PGAP1: variants seen among roughly 807,000 people sequenced by gnomAD.
The protein encoded by PGAP1 is GPI inositol-deacylase.
In PGAP1, 76 loss-of-function variants were observed where a neutral mutation model predicts 127.0. The ratio of observed to expected loss-of-function variants is 0.60; its 90% CI spans 0.50 to 0.72. PGAP1 has a LOEUF of 0.72. PGAP1 is among the 30% of genes least tolerant of loss of function. The pLI is 0.00. For synonymous variants in PGAP1, 362 were observed against 366.5 expected (o/e 0.99, Z 0.14); for missense variants, 982 against 1,071.3 (o/e 0.92, Z 1.16).
intron 10 of PGAP1, among the ~76,000 whole-genome samples, chr2:196,888,451 A>G (rs1369676533): frequency 2.0e-5 from 3 of 152,214 alleles, no homozygotes; most frequent in South Asian, 2.1e-4. Flanking sequence ...CATTCTTACT[A>G]TAAAAAATTA....
chr2:196,840,419 T>C lies in PGAP1; in HGVS notation c.*815A>G, dbSNP rs1040430505. On this transcript the variant is annotated 3_prime_UTR_variant, in exon 27 of 27. Transcript: ENST00000354764. ...CTTTTGGCAACCATGGTGCAATGAA[T>C]TGAATCCAATGGTATAAACTAAACA... is the stretch of plus-strand genomic sequence containing the variant. 6 of 152,132 alleles carry C rather than the reference T, an allele frequency of 3.9e-5. No homozygotes were observed. Among genetic ancestry groups the C allele is most frequent in the Non-Finnish European group, 8.8e-5 (6 of 68,018 alleles). The allele number at this position is 152,132 out of a possible 1,614,324, so 9.4% of individuals were successfully genotyped here.
chr2:196,859,397 T>C (rs1028655608), intron 20 of PGAP1, among the ~76,000 whole-genome samples: 2 of 152,062 alleles, frequency 1.3e-5, no homozygotes, highest in African/African-American at 4.8e-5. Context: ...AAAACAAGCA[T>C]GGGACCTGAT....
chr2:196,843,863 CAAT>C (rs1559327910), intron 25 of PGAP1, 22 bp downstream of exon 25: 1 of 1,392,022 alleles, frequency 7.2e-7, no homozygotes, highest in Admixed American at 2.2e-5. Context: ...ACCACATAAA[CAAT>C]AATTATATCA....
intron 18 of PGAP1, among the ~76,000 whole-genome samples, 174 bp from the exon 19 acceptor site, chr2:196,871,153 TTAAAG>T (rs1701397756): frequency 6.6e-6 from 1 of 152,210 alleles, no homozygotes. Context: ...GCAAATTGCA[TTAAAG>T]TAGAGTGTTA....
chr2:196,855,967 T>G (rs563722581), intron 20 of PGAP1, among the ~76,000 whole-genome samples: 40 of 152,308 alleles, frequency 2.6e-4, no homozygotes, highest in African/African-American at 5.5e-4. Context: ...CTAGGAACCT[T>G]AAGACCTTAA....
chr2:196,918,397 C>A (rs1292444972), intron 2 of PGAP1, among the ~76,000 whole-genome samples: 1 of 152,090 alleles, frequency 6.6e-6, no homozygotes, highest in Non-Finnish European at 1.5e-5. Context: ...GAATAATATT[C>A]ATTATTTGTA....
In PGAP1 at chr2:196,893,131, G is replaced by A. The variant is rs769621671; in HGVS notation, c.1033+9C>T. The A allele has an allele frequency of 2.0e-6, 3 of 1,493,638 alleles. No homozygotes were observed. Among genetic ancestry groups the A allele is most frequent in the East Asian group, 2.3e-5 (1 of 43,916 alleles). 92.5% of individuals were successfully genotyped at this position (1,493,638 alleles called of 1,614,324 possible). A position where few individuals can be genotyped will look rare whatever the true frequency, so the allele number is the denominator to read the frequency against. ...TCATTTAAAATTAAAATATGTTATT[G>A]TCACCAACCTGTTAAGTCAGAAATT... is the stretch of plus-strand genomic sequence containing the variant. On this transcript the variant is annotated intron_variant, in intron 8 of 26. Coordinates refer to ENST00000354764, the MANE Select transcript of PGAP1 (RefSeq NM_024989.4).
intron 4 of PGAP1, among the ~76,000 whole-genome samples, 166 bp downstream of exon 4, chr2:196,912,716 A>T (rs1251510811): frequency 6.6e-6 from 1 of 152,160 alleles, no homozygotes; most frequent in African/African-American, 2.4e-5. Flanking sequence ...CCTAAGTTCA[A>T]TAATATAAAG....
At position 196,851,573 on chromosome 2, in the gene PGAP1, CTGTT is replaced by C. The variant is rs1397552147; in HGVS notation, c.1862-3540_1862-3537del. Among the ~76,000 whole-genome samples, 3 of 152,254 alleles carry C rather than the reference CTGTT, an allele frequency of 2.0e-5. No individual in the cohort carries two copies. In the East Asian group the frequency reaches 5.8e-4, roughly 29 times the overall value. Reference sequence around the variant, plus strand: ...TTATTTTCTTTTAGAGAGCCCCTCTCTGTTTGTTATTTAGGTTGACATGAAGAGT... The same window carrying C: ...TTATTTTCTTTTAGAGAGCCCCTCTCTGTTATTTAGGTTGACATGAAGAGT... On this transcript the variant is annotated intron_variant, in intron 20 of 26. Coordinates refer to ENST00000354764, the MANE Select transcript of PGAP1 (RefSeq NM_024989.4).
chr2:196,870,030 T>C (rs1701364534), intron 19 of PGAP1, among the ~76,000 whole-genome samples: 1 of 152,204 alleles, frequency 6.6e-6, no homozygotes, highest in South Asian at 2.1e-4. Flanking sequence ...ATCTTATTTA[T>C]GTCCAGGTTG....
chr2:196,895,382 A>G (rs958591912), intron 7 of PGAP1, among the ~76,000 whole-genome samples: 1 of 152,214 alleles, frequency 6.6e-6, no homozygotes, highest in Non-Finnish European at 1.5e-5. Flanking sequence ...TAAGTTTACC[A>G]AACGTCAGTT....
rs562384054 is a variant in PGAP1, at chr2:196,858,401, C to CA, written c.1861+6585dup. Among the ~76,000 whole-genome samples, 652 of 130,314 alleles carry CA rather than the reference C, an allele frequency of 5.0e-3. 3 individuals are homozygous for CA. Among genetic ancestry groups the CA allele is most frequent in the East Asian group, 0.024 (109 of 4,490 alleles). The allele number at this position is 130,314 out of a possible 152,430, so 85.5% of individuals were successfully genotyped here. On this transcript the variant is annotated intron_variant, in intron 20 of 26. Transcript: ENST00000354764. ...TGGGCGACAGAGCAAGACTCCGTCT[C>CA]AAAAAAAAAAAATTGACTCCTAAAC...
intron 1 of PGAP1, among the ~76,000 whole-genome samples, chr2:196,921,821 A>G (rs116297082): frequency 0.018 from 2,728 of 152,280 alleles, 43 homozygotes; most frequent in Non-Finnish European, 0.024. Context: ...GAACAAAAAA[A>G]TAAGAGAGGA....
intron 20 of PGAP1, among the ~76,000 whole-genome samples, chr2:196,853,229 C>T (rs1237598571): frequency 6.6e-6 from 1 of 152,254 alleles, no homozygotes; most frequent in Non-Finnish European, 1.5e-5. Flanking sequence ...GATAACCTCT[C>T]TTTCAACCTT....
chr2:196,922,777 C>T (rs912253279), intron 1 of PGAP1: 5 of 151,000 alleles, frequency 3.3e-5, no homozygotes, highest in African/African-American at 1.2e-4. Context: ...ACTTCCCGGG[C>T]TCAAGTGATC....
chr2:196,864,866 T>C (rs1368913718), intron 20 of PGAP1, 121 bp downstream of exon 20: 5 of 456,786 alleles, frequency 1.1e-5, no homozygotes, highest in Non-Finnish European at 1.9e-5. Flanking sequence ...AAGAACTCTC[T>C]TAATTATGTC....
Position 196,870,935 on chromosome 2 carries a change from T to C in PGAP1, c.1767+6A>G. 6.2e-7 allele frequency: 1 copy of C among 1,605,122 alleles called. No individual in the cohort carries two copies. The highest frequency in any genetic ancestry group is 8.5e-7 in the Non-Finnish European group (1 of 1,172,406). On this transcript the variant is annotated splice_donor_region_variant and intron_variant, in intron 19 of 26. Coordinates refer to ENST00000354764, the MANE Select transcript of PGAP1 (RefSeq NM_024989.4). ...AAATAATCAACCAGCCAGGAATCTC[T>C]CTTACCTGTCCAAGTATTTGTGAAA...
intron 19 of PGAP1, among the ~76,000 whole-genome samples, 167 bp from the exon 20 acceptor site, chr2:196,865,247 T>C (rs548814353): frequency 3.3e-5 from 5 of 152,304 alleles, no homozygotes; most frequent in Admixed American, 2.0e-4. Context: ...TGAAAATACA[T>C]AGCAAACTCA....
chr2:196,911,619 A>T (rs1251614215), intron 4 of PGAP1, among the ~76,000 whole-genome samples: 8 of 148,452 alleles, frequency 5.4e-5, no homozygotes, highest in African/African-American at 1.2e-4. Flanking sequence ...AAAAAAAAAA[A>T]AAAAAAAAAA....
Sources: gnomAD v4.1 joint callset for allele counts (sites outside exome capture counted in the v4.1 genomes callset) on GRCh38, gnomAD v4.1.1 for gene constraint, MANE v1.5 for transcripts, NCBI Gene and HGNC (gene_info 2026-07-23, HGNC 2026-07-21) for gene names.